RNF24: variants seen among roughly 807,000 people sequenced by gnomAD.
The protein encoded by RNF24 is ring finger protein 24.
Under a neutral mutation model 20.0 loss-of-function variants are expected in RNF24, and 14 were observed. The observed-to-expected ratio is 0.70, with a 90% confidence interval of 0.46 to 1.10. RNF24 has a LOEUF of 1.10. Ranked by LOEUF, RNF24 falls within the 50% of genes least tolerant of loss-of-function variation. RNF24 has a pLI of 0.00. For missense variants in RNF24, 124 were observed against 177.6 expected (o/e 0.70, Z 1.71); for synonymous variants, 45 against 61.1 (o/e 0.74, Z 1.23).
intron 1 of RNF24, among the ~76,000 whole-genome samples, chr20:3,967,696 T>G (rs980463220): frequency 3.9e-5 from 6 of 152,160 alleles, no homozygotes; most frequent in Admixed American, 2.6e-4. Context: ...CTAGTTTTGC[T>G]TCAAAAATGC....
At chr20:4,008,420 T>TATATATA (rs1213103251) in intron 1 of RNF24, among the ~76,000 whole-genome samples, 5 of 44,662 alleles carry the variant, frequency 1.1e-4, no homozygotes, top group African/African-American at 5.7e-4. Flanking sequence ...ATATATATAT[T>TATATATA]ATATATAATA....
chr20:3,929,759 T>C lies in RNF24; in HGVS notation c.*4304A>G, dbSNP rs3746665. 18,673 of 152,232 alleles carry C rather than the reference T, an allele frequency of 0.12. 1,470 individuals are homozygous for C. Among genetic ancestry groups the C allele is most frequent in the Non-Finnish European group, 0.18 (12,011 of 68,002 alleles). The allele number at this position is 152,232 out of a possible 1,614,324, so 9.4% of individuals were successfully genotyped here. On this transcript the variant is annotated 3_prime_UTR_variant, in exon 6 of 6. Coordinates refer to ENST00000358395, the MANE Select transcript of RNF24 (RefSeq NM_001134337.3). ...CATCCTGTCGCAGATAGAAAGTCAA[T>C]CAGAAAAATCTGGTTGTGCTCTTGG... is the stretch of plus-strand genomic sequence containing the variant.
At chr20:3,996,230 G>A (rs1032511904) in intron 1 of RNF24, among the ~76,000 whole-genome samples, 1 of 152,124 alleles carries the variant, frequency 6.6e-6, no homozygotes, top group Non-Finnish European at 1.5e-5. Flanking sequence ...ACTCACAAGA[G>A]GTTGGCTCAT....
Position 3,983,940 on chromosome 20 carries a change from C to CA in RNF24, c.-7-19917dup, listed in dbSNP as rs56680870. On this transcript the variant is annotated intron_variant, in intron 1 of 5. Coordinates refer to ENST00000358395, the MANE Select transcript of RNF24 (RefSeq NM_001134337.3). ...TGGGTGACAGAGTGAGACTTGGTCT[C>CA]AAAAAAAAAAAAAAAAAAAAAAAAA... 4.1e-3 allele frequency among the ~76,000 whole-genome samples: 269 copies of CA among 65,650 alleles called. 6 individuals are homozygous for CA. The highest frequency in any genetic ancestry group is 0.012 in the African/African-American group (188 of 16,182). The allele number at this position is 65,650 out of a possible 152,430, so 43.1% of individuals were successfully genotyped here. A position where few individuals can be genotyped will look rare whatever the true frequency, so the allele number is the denominator to read the frequency against.
In RNF24 at chr20:3,933,673, C is replaced by T. The variant is rs1194148166; in HGVS notation, c.*390G>A. 1 of 173,782 alleles carries T rather than the reference C, an allele frequency of 5.8e-6. No individual in the cohort carries two copies. Among genetic ancestry groups the T allele is most frequent in the African/African-American group, 2.4e-5 (1 of 42,364 alleles). The allele number at this position is 173,782 out of a possible 1,614,324, so 10.8% of individuals were successfully genotyped here. ...TTGCTGCGACAAAGGCCTGCATGGC[C>T]TACAGAGAAACCCATCCATCCGCAG... On this transcript the variant is annotated 3_prime_UTR_variant, in exon 6 of 6. Coordinates refer to ENST00000358395, the MANE Select transcript of RNF24 (RefSeq NM_001134337.3).
intron 1 of RNF24, among the ~76,000 whole-genome samples, chr20:3,998,031 CTCTAAGGGTTGCACT>C (rs539221310): frequency 6.6e-6 from 1 of 152,186 alleles, no homozygotes; most frequent in Non-Finnish European, 1.5e-5. Flanking sequence ...GGGGAATATG[CTCTAAGGGTTGCACT>C]TCTAAGTATC....
At chr20:3,935,538 A>T (rs1408687744) in intron 4 of RNF24, among the ~76,000 whole-genome samples, 1 of 152,252 alleles carries the variant, frequency 6.6e-6, no homozygotes, top group South Asian at 2.1e-4. Context: ...CACAGCTTGC[A>T]GTAACATGCT....
At chr20:3,940,198 TCCTTCCA>T (rs1484096380) in intron 4 of RNF24, among the ~76,000 whole-genome samples, 1 of 152,108 alleles carries the variant, frequency 6.6e-6, no homozygotes, top group Non-Finnish European at 1.5e-5. Flanking sequence ...GCTCACGCAA[TCCTTCCA>T]CCTTGGTCTC....
chr20:3,963,883 G>A lies in RNF24; in HGVS notation c.135C>T (p.Tyr45=). 1.3e-6 allele frequency: 2 copies of A among 1,576,422 alleles called. No individual in the cohort carries two copies. Among genetic ancestry groups the A allele is most frequent in the Non-Finnish European group, 1.7e-6 (2 of 1,160,150 alleles). ...VFILSLLFCC[Y]LIRLRHQAHK... Reference sequence around the variant, plus strand: ...GAATGAAAATTGGTTACCTAATCAAGTAGCAACAGAAGAGTAAACTAAGGA... The same window carrying A: ...GAATGAAAATTGGTTACCTAATCAAATAGCAACAGAAGAGTAAACTAAGGA... The change falls in exon 2 of 6, where the codon TAC becomes TAT. Residue 45 remains tyrosine, a synonymous_variant. Coordinates refer to ENST00000358395, the MANE Select transcript of RNF24 (RefSeq NM_001134337.3).
chr20:3,944,883 A>G (rs1053136930), intron 4 of RNF24, among the ~76,000 whole-genome samples: 5 of 152,260 alleles, frequency 3.3e-5, no homozygotes, highest in African/African-American at 4.8e-5. Flanking sequence ...ACTCACCTTG[A>G]GTAGAAAAAC....
intron 1 of RNF24, among the ~76,000 whole-genome samples, chr20:3,973,935 CTGGCAAA>C (rs1274563245): frequency 1.3e-5 from 2 of 151,982 alleles, no homozygotes; most frequent in African/African-American, 4.8e-5. Context: ...AAGACAGTGT[CTGGCAAA>C]TACAGACAGA....
In RNF24 at chr20:3,954,854, G is replaced by A. The variant is rs1463379078; in HGVS notation, c.144-6575C>T. Among the ~76,000 whole-genome samples, 19 of 151,432 alleles carry A rather than the reference G, an allele frequency of 1.3e-4. 1 individual carries two copies. In the East Asian group the frequency reaches 2.7e-3, roughly 22 times the overall value. ...GCAGAGATTGCAGTGAGCCGAGATC[G>A]CGCCATTGCACTCTAGCCCGGGTGA... On this transcript the variant is annotated intron_variant, in intron 2 of 5. Transcript: ENST00000358395.
intron 2 of RNF24, among the ~76,000 whole-genome samples, chr20:3,948,945 T>A (rs1227577973): frequency 6.6e-6 from 1 of 152,246 alleles, no homozygotes; most frequent in East Asian, 1.9e-4. Flanking sequence ...TATTTATCCA[T>A]TTTACTGCTG....
At chr20:3,968,830 A>T (rs904659609) in intron 1 of RNF24, among the ~76,000 whole-genome samples, 4 of 152,198 alleles carry the variant, frequency 2.6e-5, no homozygotes, top group Non-Finnish European at 5.9e-5. Context: ...GAATTATTTT[A>T]AAAATAAGAC....
At chr20:3,982,471 G>T (rs1979497453) in intron 1 of RNF24, among the ~76,000 whole-genome samples, 1 of 151,538 alleles carries the variant, frequency 6.6e-6, no homozygotes. Context: ...CAGCTACTCG[G>T]GAGGTTGAGG....
At chr20:3,990,060 G>A (rs1980300762) in intron 1 of RNF24, among the ~76,000 whole-genome samples, 1 of 152,018 alleles carries the variant, frequency 6.6e-6, no homozygotes, top group South Asian at 2.1e-4. Context: ...AAATGATATT[G>A]GGACAATTAG....
chr20:3,952,118 C>T (rs926017298), intron 2 of RNF24, among the ~76,000 whole-genome samples: 3 of 151,068 alleles, frequency 2.0e-5, no homozygotes, highest in African/African-American at 7.3e-5. Flanking sequence ...ATTCTTGGTT[C>T]TCTGCAGTTC....
At chr20:3,966,239 A>G (rs907557652) in intron 1 of RNF24, among the ~76,000 whole-genome samples, 1 of 152,078 alleles carries the variant, frequency 6.6e-6, no homozygotes, top group Non-Finnish European at 1.5e-5. Context: ...TATGGTAGAA[A>G]GACGGAGAGG....
At chr20:3,962,597 T>G (rs1018657723) in intron 2 of RNF24, among the ~76,000 whole-genome samples, 1 of 152,092 alleles carries the variant, frequency 6.6e-6, no homozygotes, top group Non-Finnish European at 1.5e-5. Flanking sequence ...TGGCAGTACT[T>G]TTTTTGGGAC....
Sources: allele counts gnomAD v4.1 joint callset (sites outside exome capture counted in the v4.1 genomes callset), GRCh38; gene constraint gnomAD v4.1.1; transcripts MANE v1.5; gene names NCBI Gene and HGNC (gene_info 2026-07-23, HGNC 2026-07-21).